The following FAR2 variants were observed in gnomAD, a reference collection of about 807,000 sequenced individuals.
FAR2 encodes the protein epididymis secretory protein Li 81.
FAR2 carries 19 observed loss-of-function variants against 56.0 expected under a neutral mutation model. The ratio of observed to expected loss-of-function variants is 0.34; its 90% CI spans 0.24 to 0.50. The LOEUF (loss-of-function observed/expected upper bound fraction) is 0.50. Ranked by LOEUF, FAR2 falls within the 20% of genes least tolerant of loss-of-function variation. FAR2 has a pLI of 0.98. For missense variants in FAR2, 508 were observed against 642.2 expected, an observed-to-expected ratio of 0.79 and a Z score of 2.26; for synonymous variants, 219 against 218.8, an observed-to-expected ratio of 1.00 and a Z score of -0.01.
At chr12:29,223,144 C>T (rs986015065) in intron 1 of FAR2, among the ~76,000 whole-genome samples, 1 of 152,148 alleles carries the variant, frequency 6.6e-6, no homozygotes, top group Admixed American at 6.5e-5. Flanking sequence ...TTACTAGCCC[C>T]ATCCCAGGAT....
chr12:29,248,542 T>TCACAGGAC (rs1481430722), intron 1 of FAR2, among the ~76,000 whole-genome samples: 4 of 152,286 alleles, frequency 2.6e-5, no homozygotes, highest in East Asian at 3.9e-4. Flanking sequence ...CAGGGCGAGA[T>TCACAGGAC]CACAGGACCA....
intron 10 of FAR2, among the ~76,000 whole-genome samples, chr12:29,325,065 C>A (rs1193610738): frequency 6.6e-6 from 1 of 151,930 alleles, no homozygotes; most frequent in Admixed American, 6.6e-5. Context: ...ATCTACCAAG[C>A]AAATGGAAAA....
intron 1 of FAR2, among the ~76,000 whole-genome samples, chr12:29,249,983 G>A (rs1308521510): frequency 6.6e-6 from 1 of 152,114 alleles, no homozygotes; most frequent in Non-Finnish European, 1.5e-5. Context: ...ATCTAGTAAA[G>A]AGTGATCTTT....
In FAR2 at chr12:29,308,766, T is replaced by TA. The variant is rs567760817; in HGVS notation, c.724-414dup. 5.4e-5 allele frequency among the ~76,000 whole-genome samples: 8 copies of TA among 149,262 alleles called. No individual in the cohort carries two copies. The South Asian group carries it at 1.3e-3, about 24-fold the overall frequency. ...TATCTGGCATGGACTCTATAGCTGGTAAAAAATGTTAAGAAATGGGCCATT... is the reference window on the plus strand; with the variant it reads ...TATCTGGCATGGACTCTATAGCTGGTAAAAAAATGTTAAGAAATGGGCCATT... On this transcript the variant is annotated intron_variant, in intron 5 of 11. Coordinates refer to ENST00000536681, the MANE Select transcript of FAR2 (RefSeq NM_001271783.2).
intron 2 of FAR2, among the ~76,000 whole-genome samples, chr12:29,272,889 G>A (rs1948641813): frequency 6.6e-6 from 1 of 152,064 alleles, no homozygotes; most frequent in South Asian, 2.1e-4. Flanking sequence ...TCAATGGTCA[G>A]GTTCCTCTTC....
intron 8 of FAR2, among the ~76,000 whole-genome samples, chr12:29,315,872 C>G (rs540138482): frequency 6.6e-6 from 1 of 152,082 alleles, no homozygotes; most frequent in Non-Finnish European, 1.5e-5. Flanking sequence ...ATGTCTATTA[C>G]ACATCCAGAT....
intron 1 of FAR2, among the ~76,000 whole-genome samples, chr12:29,181,194 T>C: frequency 6.6e-6 from 1 of 151,294 alleles, no homozygotes; most frequent in South Asian, 2.1e-4. Context: ...AGATTAGTTT[T>C]CCTGACGTTC....
chr12:29,284,394 G>C (rs987966658), intron 2 of FAR2, among the ~76,000 whole-genome samples: 2 of 152,202 alleles, frequency 1.3e-5, no homozygotes, highest in African/African-American at 4.8e-5. Flanking sequence ...GGACTATCTT[G>C]AATGATATCA....
intron 1 of FAR2, among the ~76,000 whole-genome samples, chr12:29,185,238 A>C (rs10771490): frequency 0.7 from 105,763 of 152,098 alleles, 37,505 homozygotes; most frequent in Non-Finnish European, 0.77. Context: ...ATGATATATT[A>C]CACTACCCTA....
At chr12:29,322,981 G>C (rs7312164) in intron 10 of FAR2, among the ~76,000 whole-genome samples, 1 of 152,044 alleles carries the variant, frequency 6.6e-6, no homozygotes, top group African/African-American at 2.4e-5. Flanking sequence ...AGATGAACCC[G>C]GTACCTCAGT....
At chr12:29,256,587 T>C (rs949499439) in intron 1 of FAR2, among the ~76,000 whole-genome samples, 7 of 152,198 alleles carry the variant, frequency 4.6e-5, no homozygotes, top group Non-Finnish European at 7.3e-5. Flanking sequence ...TGGGAGCCCC[T>C]TTCTGGGCTG....
intron 1 of FAR2, among the ~76,000 whole-genome samples, chr12:29,258,365 A>G (rs891549301): frequency 6.6e-6 from 1 of 152,120 alleles, no homozygotes; most frequent in Non-Finnish European, 1.5e-5. Flanking sequence ...AAAAAACGAA[A>G]CAAAAAAATC....
intron 10 of FAR2, among the ~76,000 whole-genome samples, chr12:29,330,239 T>C (rs976368586): frequency 1.3e-5 from 2 of 152,006 alleles, no homozygotes; most frequent in African/African-American, 4.8e-5. Flanking sequence ...GTATTTTTAG[T>C]ACAGACGGGG....
intron 1 of FAR2, among the ~76,000 whole-genome samples, chr12:29,241,071 G>T (rs532103357): frequency 6.6e-5 from 10 of 152,268 alleles, no homozygotes; most frequent in South Asian, 2.1e-4. Flanking sequence ...CTCCCAAAGT[G>T]CTGGGATTAC....
chr12:29,245,138 T>A (rs1948106354), intron 1 of FAR2, among the ~76,000 whole-genome samples: 1 of 152,002 alleles, frequency 6.6e-6, no homozygotes, highest in African/African-American at 2.4e-5. Context: ...GCGCCACCAG[T>A]CCCAGCTGAT....
chr12:29,271,247 A>G (rs1948613434), intron 2 of FAR2, among the ~76,000 whole-genome samples: 1 of 152,220 alleles, frequency 6.6e-6, no homozygotes, highest in Non-Finnish European at 1.5e-5. Flanking sequence ...GAAAAAAAAG[A>G]CATTATGCAT....
intron 4 of FAR2, among the ~76,000 whole-genome samples, chr12:29,303,386 T>C (rs185227888): frequency 1.0e-3 from 159 of 152,332 alleles, no homozygotes; most frequent in African/African-American, 3.6e-3. Flanking sequence ...ATGCTCCCTC[T>C]TTCTCCTGCT....
chr12:29,178,193 AAAAG>A (rs947068907), intron 1 of FAR2, among the ~76,000 whole-genome samples: 3 of 152,226 alleles, frequency 2.0e-5, no homozygotes, highest in Admixed American at 2.0e-4. Context: ...TAAAAAAAAA[AAAAG>A]AAATTGGAGT....
Position 29,248,900 on chromosome 12 carries a change from G to T in FAR2, c.-38-21512G>T, listed in dbSNP as rs74523755. Among the ~76,000 whole-genome samples the T allele has an allele frequency of 5.0e-3, 767 of 152,284 alleles. 27 individuals are homozygous for T. In the East Asian group the frequency reaches 0.071, roughly 14 times the overall value. On this transcript the variant is annotated intron_variant, in intron 1 of 11. Coordinates refer to ENST00000536681, the MANE Select transcript of FAR2 (RefSeq NM_001271783.2). The stretch of plus-strand genomic sequence containing the variant: ...AAGAAGAGATATATGGCTCTGTTCC[G>T]CCCGGCTCACCGGCGGTCAGAGTTT...
Sources: allele counts gnomAD v4.1 joint callset (sites outside exome capture counted in the v4.1 genomes callset), GRCh38; gene constraint gnomAD v4.1.1; transcripts MANE v1.5; gene names NCBI Gene and HGNC (gene_info 2026-07-23, HGNC 2026-07-21).